The following TAOK1 variants were observed in gnomAD, a reference collection of about 807,000 sequenced individuals.
The protein encoded by TAOK1 is serine/threonine-protein kinase TAO1.
A neutral mutation model predicts 138.3 loss-of-function variants in TAOK1; 21 were observed. That is an observed-to-expected ratio of 0.15 (90% confidence interval 0.11 to 0.22). The LOEUF is 0.22. Ranked by LOEUF, TAOK1 falls within the 10% of genes least tolerant of loss-of-function variation. TAOK1 has a pLI of 1.00. For missense variants in TAOK1, 651 were observed against 1,227.7 expected, an observed-to-expected ratio of 0.53 and a Z score of 7.02; for synonymous variants, 361 against 398.4, an observed-to-expected ratio of 0.91 and a Z score of 1.12.
intron 8 of TAOK1, among the ~76,000 whole-genome samples, chr17:29,488,021 C>T (rs2031208129): frequency 2.0e-5 from 3 of 152,086 alleles, no homozygotes. Context: ...AGGTGTTTAG[C>T]CTAACTCTAA....
At chr17:29,482,985 G>T (rs1369112073) in intron 8 of TAOK1, among the ~76,000 whole-genome samples, 1 of 152,152 alleles carries the variant, frequency 6.6e-6, no homozygotes, top group Non-Finnish European at 1.5e-5. Flanking sequence ...GAAGATGCTG[G>T]CCGTCTTCTT....
At position 29,543,841 on chromosome 17, in the gene TAOK1, A is replaced by G. The variant is rs2032359254; in HGVS notation, c.*819A>G. On this transcript the variant is annotated 3_prime_UTR_variant, in exon 20 of 20. Transcript: ENST00000261716. ...CACAAGTTGTGTGAGGATTGCATTA[A>G]CAAACCTATGAGCCTTCAATGGGGA... is the stretch of plus-strand genomic sequence containing the variant. 1 of 152,214 alleles carries G rather than the reference A, an allele frequency of 6.6e-6. No homozygotes were observed. Among genetic ancestry groups the G allele is most frequent in the South Asian group, 2.1e-4 (1 of 4,830 alleles). The allele number at this position is 152,214 out of a possible 1,614,324, so 9.4% of individuals were successfully genotyped here. A position where few individuals can be genotyped will look rare whatever the true frequency, so the allele number is the denominator to read the frequency against.
chr17:29,443,036 T>C (rs1037732567), intron 1 of TAOK1, among the ~76,000 whole-genome samples: 4 of 152,192 alleles, frequency 2.6e-5, no homozygotes, highest in Admixed American at 1.3e-4. Context: ...AGGGAGGATA[T>C]AGTAGATAGT....
At chr17:29,534,773 G>C (rs909542617) in intron 19 of TAOK1, among the ~76,000 whole-genome samples, 1 of 152,068 alleles carries the variant, frequency 6.6e-6, no homozygotes, top group African/African-American at 2.4e-5. Flanking sequence ...GATTACTGAG[G>C]GACAGAAGGT....
intron 19 of TAOK1, among the ~76,000 whole-genome samples, chr17:29,541,264 C>T (rs890236071): frequency 4.2e-4 from 63 of 150,434 alleles, no homozygotes; most frequent in Non-Finnish European, 7.8e-4. Flanking sequence ...CGTGTGCCAC[C>T]GCGCCTGGCT....
At chr17:29,509,418 T>C (rs2031679760) in intron 14 of TAOK1, among the ~76,000 whole-genome samples, 1 of 151,990 alleles carries the variant, frequency 6.6e-6, no homozygotes, top group African/African-American at 2.4e-5. Flanking sequence ...ATCAGGCTGG[T>C]CTCAAATCCC....
At chr17:29,447,802 G>A (rs886064692) in intron 1 of TAOK1, among the ~76,000 whole-genome samples, 5 of 151,248 alleles carry the variant, frequency 3.3e-5, no homozygotes, top group African/African-American at 1.2e-4. Context: ...GATTACAGGT[G>A]CTTACCACCA....
At chr17:29,453,191 G>A (rs770668134) in intron 2 of TAOK1, among the ~76,000 whole-genome samples, 2 of 136,992 alleles carry the variant, frequency 1.5e-5, no homozygotes, top group Admixed American at 8.1e-5. Context: ...ATGGAGTCTC[G>A]CTCTATTGCC....
At chr17:29,431,853 C>T (rs887822731) in intron 1 of TAOK1, among the ~76,000 whole-genome samples, 2 of 140,770 alleles carry the variant, frequency 1.4e-5, no homozygotes, top group Non-Finnish European at 3.0e-5. Context: ...GTTGCCCAGG[C>T]TGGATTGCAG....
chr17:29,530,701 A>G (rs1176119101), intron 18 of TAOK1, 82 bp downstream of exon 18: 30 of 1,174,962 alleles, frequency 2.6e-5, no homozygotes, highest in Non-Finnish European at 3.3e-5. Context: ...CAATTAAAGT[A>G]CTAGTTGGAA....
chr17:29,485,878 A>C (rs2031162626), intron 8 of TAOK1, among the ~76,000 whole-genome samples: 1 of 152,192 alleles, frequency 6.6e-6, no homozygotes, highest in Non-Finnish European at 1.5e-5. Context: ...AGTTTCATCT[A>C]ATTTCCTCTT....
At chr17:29,541,492 T>A (rs1042171170) in intron 19 of TAOK1, among the ~76,000 whole-genome samples, 1 of 152,034 alleles carries the variant, frequency 6.6e-6, no homozygotes, top group African/African-American at 2.4e-5. Context: ...AATGCATGTC[T>A]AAATTTCCCC....
intron 12 of TAOK1, 42 bp from the exon 13 acceptor site, chr17:29,502,547 C>T (rs1174042927): frequency 1.3e-6 from 2 of 1,566,042 alleles, no homozygotes; most frequent in Non-Finnish European, 1.7e-6. Context: ...TTCAAACAAA[C>T]TGTTCACCTT....
rs192654231 is a variant in TAOK1, at chr17:29,527,883, A to G, written c.2149-2524A>G. 2.1e-3 allele frequency among the ~76,000 whole-genome samples: 314 copies of G among 152,308 alleles called. 2 individuals are homozygous for G. Among genetic ancestry groups the G allele is most frequent in the African/African-American group, 7.1e-3 (297 of 41,576 alleles). ...CAACCTACTGATTAACCAAACACTA[A>G]AGCCAAAGATCTTCTGTCTCTAAAC... On this transcript the variant is annotated intron_variant, in intron 17 of 19. Coordinates refer to ENST00000261716, the MANE Select transcript of TAOK1 (RefSeq NM_020791.4).
chr17:29,464,943 C>T (rs1270323397), intron 2 of TAOK1, among the ~76,000 whole-genome samples: 1 of 150,986 alleles, frequency 6.6e-6, no homozygotes, highest in African/African-American at 2.4e-5. Flanking sequence ...GCCTCAACCT[C>T]CCGAGTAGCT....
At chr17:29,431,741 G>A (rs1170867350) in intron 1 of TAOK1, among the ~76,000 whole-genome samples, 2 of 151,394 alleles carry the variant, frequency 1.3e-5, no homozygotes, top group Non-Finnish European at 2.9e-5. Context: ...CTTGGTTCAA[G>A]CAATTCTGCC....
intron 1 of TAOK1, among the ~76,000 whole-genome samples, chr17:29,416,373 C>T (rs569475199): frequency 6.6e-6 from 1 of 151,692 alleles, no homozygotes; most frequent in South Asian, 2.1e-4. Context: ...TTCATTTCAA[C>T]GCATAGAGAG....
intron 19 of TAOK1, among the ~76,000 whole-genome samples, chr17:29,541,101 T>TG (rs2032307087): frequency 4.0e-4 from 1 of 2,514 alleles, no homozygotes; most frequent in Non-Finnish European, 3.1e-3. Flanking sequence ...AAAAAATTTT[T>TG]GTTTTGTTTA....
In TAOK1 at chr17:29,543,997, T is replaced by C. The variant is rs2032362378; in HGVS notation, c.*975T>C. 1 of 152,526 alleles carries C rather than the reference T, an allele frequency of 6.6e-6. No homozygotes were observed. Among genetic ancestry groups the C allele is most frequent in the Non-Finnish European group, 1.5e-5 (1 of 68,046 alleles). 9.4% of individuals were successfully genotyped at this position (152,526 alleles called of 1,614,324 possible). A position where few individuals can be genotyped will look rare whatever the true frequency, so the allele number is the denominator to read the frequency against. ...GTGATATCTCATCCTAGCTAAGCTC[T>C]ATAATGCCCAAGACCCCAAACAGTA... On this transcript the variant is annotated 3_prime_UTR_variant, in exon 20 of 20. Coordinates refer to ENST00000261716, the MANE Select transcript of TAOK1 (RefSeq NM_020791.4).
Sources: gnomAD v4.1 joint callset for allele counts (sites outside exome capture counted in the v4.1 genomes callset) on GRCh38, gnomAD v4.1.1 for gene constraint, MANE v1.5 for transcripts, NCBI Gene and HGNC (gene_info 2026-07-23, HGNC 2026-07-21) for gene names.